FAM222B: variants seen among roughly 807,000 people sequenced by gnomAD.
The protein encoded by FAM222B is protein FAM222B.
FAM222B carries 12 observed loss-of-function variants against 38.0 expected under a neutral mutation model. The ratio of observed to expected loss-of-function variants is 0.32; its 90% CI spans 0.20 to 0.51. FAM222B has a LOEUF of 0.51. FAM222B is among the 20% of genes least tolerant of loss of function. FAM222B has a pLI of 0.97. For synonymous variants in FAM222B, 329 were observed against 317.2 expected, an observed-to-expected ratio of 1.04 and a Z score of -0.40; for missense variants, 716 against 754.2, an observed-to-expected ratio of 0.95 and a Z score of 0.59.
chr17:28,784,242 G>A (rs536344087), intron 1 of FAM222B, among the ~76,000 whole-genome samples: 1 of 152,102 alleles, frequency 6.6e-6, no homozygotes, highest in South Asian at 2.1e-4. Context: ...AGGAGGCTGA[G>A]GTAGGAAGAC....
chr17:28,854,832 G>A, intron 1 of FAM222B: 1 of 564,926 alleles, frequency 1.8e-6, no homozygotes, highest in Non-Finnish European at 3.0e-6. Context: ...CTACCGTCAT[G>A]CTTGCACAGA....
chr17:28,759,567 G>T lies in FAM222B; in HGVS notation c.392C>A (p.Pro131His). ...ARLLPEAIMN[P>H]PVAPYATVAP... ...CACAGTAGCATAGGGTGCCACTGGG[G>T]GGTTCATGATGGCCTCAGGGAGCAA... The change falls in exon 3 of 3, where the codon CCC (proline) becomes CAC (histidine). Residue 131 changes from proline (P) to histidine (H), a missense_variant. By Grantham distance (77) the Pro-to-His change is moderately conservative. Coordinates refer to ENST00000581407, the MANE Select transcript of FAM222B (RefSeq NM_001077498.3). The surrounding 1 kb of genome is among the most constrained non-coding windows in gnomAD (Gnocchi z 4.8). The T allele has an allele frequency of 6.2e-7, 1 of 1,610,788 alleles. No homozygotes were observed. The highest frequency in any genetic ancestry group is 8.5e-7 in the Non-Finnish European group (1 of 1,178,316).
chr17:28,809,911 C>T (rs913076773), intron 1 of FAM222B, among the ~76,000 whole-genome samples: 2 of 152,120 alleles, frequency 1.3e-5, no homozygotes, highest in Admixed American at 1.3e-4. Context: ...AACATAAAAA[C>T]CACCCAGATA....
chr17:28,803,859 G>A (rs2037352275), intron 1 of FAM222B, among the ~76,000 whole-genome samples: 1 of 151,952 alleles, frequency 6.6e-6, no homozygotes, highest in African/African-American at 2.4e-5. Context: ...GCAGGTGCCT[G>A]TAATCCCAAC....
chr17:28,830,614 A>C (rs1209897247), intron 1 of FAM222B, among the ~76,000 whole-genome samples: 1 of 151,860 alleles, frequency 6.6e-6, no homozygotes, highest in Non-Finnish European at 1.5e-5. Flanking sequence ...ATTTTTATGG[A>C]TCTTGCTTTT....
chr17:28,842,662 C>A lies in FAM222B; in HGVS notation c.-41+20G>T, dbSNP rs1598065304. The stretch of plus-strand genomic sequence containing the variant: ...ACCCTCTTCCCACGCGTTGTCCACT[C>A]CCCCTCCACCACTACTCACGGTCGG... On this transcript the variant is annotated intron_variant, in intron 1 of 2. Coordinates refer to ENST00000581407, the MANE Select transcript of FAM222B (RefSeq NM_001077498.3). The A allele has an allele frequency of 2.0e-5, 3 of 153,090 alleles. No individual in the cohort carries two copies. The South Asian group carries it at 5.7e-4, about 29-fold the overall frequency. 9.5% of individuals were successfully genotyped at this position (153,090 alleles called of 1,614,324 possible). A position where few individuals can be genotyped will look rare whatever the true frequency, so the allele number is the denominator to read the frequency against.
At position 28,795,092 on chromosome 17, in the gene FAM222B, C is replaced by CAA. The variant is rs59433750; in HGVS notation, c.-40-28387_-40-28386dup. 5.8e-5 allele frequency among the ~76,000 whole-genome samples: 6 copies of CAA among 104,200 alleles called. No homozygotes were observed. In the South Asian group the frequency reaches 9.6e-4, roughly 17 times the overall value. The allele number at this position is 104,200 out of a possible 152,430, so 68.4% of individuals were successfully genotyped here. On this transcript the variant is annotated intron_variant, in intron 1 of 2. Coordinates refer to ENST00000581407, the MANE Select transcript of FAM222B (RefSeq NM_001077498.3). ...TGGGCAATAGAGTGAGACCCTGTTT[C>CAA]AAAAAAAAAAAAAAACCCTAAAATT...
chr17:28,788,584 A>G (rs1236478750), intron 1 of FAM222B, among the ~76,000 whole-genome samples: 1 of 152,112 alleles, frequency 6.6e-6, no homozygotes, highest in East Asian at 1.9e-4. Context: ...CTAACCTGTC[A>G]AATATGCATC....
chr17:28,792,311 C>CA (rs71135853), intron 1 of FAM222B, among the ~76,000 whole-genome samples: 47,228 of 109,932 alleles, frequency 0.43, 11,440 homozygotes, highest in East Asian at 0.57. Flanking sequence ...GACTCTGTCT[C>CA]AAAAAAAAAA....
intron 1 of FAM222B, among the ~76,000 whole-genome samples, chr17:28,823,669 C>T (rs1335656979): frequency 6.6e-6 from 1 of 152,176 alleles, no homozygotes; most frequent in Admixed American, 6.6e-5. Flanking sequence ...ACCTATCTCA[C>T]TAGCTATTCC....
At chr17:28,771,897 T>C (rs1382064466) in intron 1 of FAM222B, among the ~76,000 whole-genome samples, 1 of 151,520 alleles carries the variant, frequency 6.6e-6, no homozygotes, top group Non-Finnish European at 1.5e-5. Flanking sequence ...TACTAAAAAA[T>C]ACAAAAAATT....
chr17:28,797,027 G>A (rs1449599764), intron 1 of FAM222B, among the ~76,000 whole-genome samples: 1 of 119,394 alleles, frequency 8.4e-6, no homozygotes, highest in African/African-American at 3.2e-5. Flanking sequence ...TTTGAGACAA[G>A]GATCTCGCTC....
At chr17:28,817,497 G>T (rs2038067222) in intron 1 of FAM222B, among the ~76,000 whole-genome samples, 2 of 152,052 alleles carry the variant, frequency 1.3e-5, no homozygotes, top group Admixed American at 1.3e-4. Flanking sequence ...GCCGAGGCTG[G>T]ACTACCTGAG....
intron 1 of FAM222B, among the ~76,000 whole-genome samples, chr17:28,822,665 G>A (rs1444483892): frequency 6.7e-6 from 1 of 148,940 alleles, no homozygotes; most frequent in African/African-American, 2.5e-5. Context: ...GCCGGGCATG[G>A]TGGCAGGCGC....
At chr17:28,821,096 C>T (rs991267276) in intron 1 of FAM222B, among the ~76,000 whole-genome samples, 1 of 151,988 alleles carries the variant, frequency 6.6e-6, no homozygotes, top group African/African-American at 2.4e-5. Context: ...GCTGGGACTA[C>T]AGGCACGCGC....
At chr17:28,773,356 C>G (rs2035729554) in intron 1 of FAM222B, among the ~76,000 whole-genome samples, 1 of 151,186 alleles carries the variant, frequency 6.6e-6, no homozygotes, top group African/African-American at 2.4e-5. Flanking sequence ...GTGGTGGGTG[C>G]CTGTAATCCC....
intron 1 of FAM222B, among the ~76,000 whole-genome samples, chr17:28,785,760 ACGCAATCT>A (rs892270940): frequency 6.7e-6 from 1 of 148,990 alleles, no homozygotes; most frequent in African/African-American, 2.5e-5. Flanking sequence ...GAGTGCAATG[ACGCAATCT>A]CGCAATCTCA....
chr17:28,817,902 T>G (rs2151940005), intron 1 of FAM222B, among the ~76,000 whole-genome samples: 1 of 152,272 alleles, frequency 6.6e-6, no homozygotes, highest in Middle Eastern at 3.4e-3. Context: ...CCAAATTGGC[T>G]TTTTCTCCTA....
chr17:28,816,656 T>C (rs532552101), intron 1 of FAM222B, among the ~76,000 whole-genome samples: 59 of 151,754 alleles, frequency 3.9e-4, no homozygotes, highest in Non-Finnish European at 7.1e-4. Flanking sequence ...AAAACAATGA[T>C]TGCACCCGAA....
Sources: allele counts gnomAD v4.1 joint callset (sites outside exome capture counted in the v4.1 genomes callset), GRCh38; gene constraint gnomAD v4.1.1; non-coding constraint Gnocchi (gnomAD v3.1); transcripts MANE v1.5; gene names NCBI Gene and HGNC (gene_info 2026-07-23, HGNC 2026-07-21).